FIP1L1: variants seen among roughly 807,000 people sequenced by gnomAD.
FIP1L1 encodes factor interacting with PAPOLA and CPSF1, also known as pre-mRNA 3'-end-processing factor FIP1.
Under a neutral mutation model 84.6 loss-of-function variants are expected in FIP1L1, and 21 were observed. The ratio of observed to expected loss-of-function variants is 0.25; its 90% CI spans 0.18 to 0.36. The LOEUF (loss-of-function observed/expected upper bound fraction) is 0.36, where lower values mean the gene tolerates loss of function less well. FIP1L1 is among the 10% of genes least tolerant of loss of function. The pLI, the probability that FIP1L1 is intolerant of heterozygous loss-of-function variation, is 1.00. For synonymous variants in FIP1L1, 263 were observed against 242.3 expected (o/e 1.09, Z -0.80); for missense variants, 526 against 751.1 (o/e 0.70, Z 3.50).
intron 9 of FIP1L1, among the ~76,000 whole-genome samples, chr4:53,396,659 C>T (rs1313325409): frequency 3.3e-5 from 5 of 152,188 alleles, no homozygotes; most frequent in South Asian, 2.1e-4. Context: ...CCACCTCGGC[C>T]TCCCAAAGCG....
chr4:53,401,883 G>A (rs1750423835), intron 10 of FIP1L1, among the ~76,000 whole-genome samples: 2 of 152,112 alleles, frequency 1.3e-5, no homozygotes, highest in Admixed American at 1.3e-4. Context: ...AATGAATTTA[G>A]GATAATCAGT....
intron 15 of FIP1L1, among the ~76,000 whole-genome samples, chr4:53,449,957 G>GT (rs1775729427): frequency 6.6e-6 from 1 of 152,000 alleles, no homozygotes; most frequent in African/African-American, 2.4e-5. Context: ...TTCTGATGCT[G>GT]TTTATGTGTT....
At chr4:53,414,327 G>A (rs1354554202) in intron 10 of FIP1L1, among the ~76,000 whole-genome samples, 1 of 151,996 alleles carries the variant, frequency 6.6e-6, no homozygotes, top group African/African-American at 2.4e-5. Flanking sequence ...TTTGATTAAT[G>A]TATTGTAACC....
intron 10 of FIP1L1, among the ~76,000 whole-genome samples, chr4:53,412,791 A>C (rs1757776632): frequency 6.6e-6 from 1 of 152,118 alleles, no homozygotes; most frequent in African/African-American, 2.4e-5. Flanking sequence ...ATTTGTGGAA[A>C]GGCTAAATAT....
Position 53,420,644 on chromosome 4 carries a change from A to G in FIP1L1, c.924-5228A>G, listed in dbSNP as rs1030068485. 7.0e-4 allele frequency among the ~76,000 whole-genome samples: 106 copies of G among 152,226 alleles called. 2 individuals are homozygous for G. The highest frequency in any genetic ancestry group is 5.7e-3 in the Admixed American group (87 of 15,282). ...TAAATTGTTACTCGAACATTAGAAT[A>G]TATTTTCTTTATAAATTGTGTATAT... is the stretch of plus-strand genomic sequence containing the variant. On this transcript the variant is annotated intron_variant, in intron 11 of 17. Coordinates refer to ENST00000337488, the MANE Select transcript of FIP1L1 (RefSeq NM_030917.4).
At chr4:53,434,693 C>G (rs907818112) in intron 13 of FIP1L1, among the ~76,000 whole-genome samples, 1 of 152,110 alleles carries the variant, frequency 6.6e-6, no homozygotes, top group Non-Finnish European at 1.5e-5. Context: ...GTCTTGAACT[C>G]CTGACCTCAA....
intron 1 of FIP1L1, 133 bp from the exon 2 acceptor site, chr4:53,378,940 A>G: frequency 1.2e-6 from 1 of 866,670 alleles, no homozygotes; most frequent in Non-Finnish European, 1.8e-6. Context: ...TTTCTTTTAC[A>G]AAGATCTGGA....
At chr4:53,392,127 A>T (rs1428793069) in intron 9 of FIP1L1, among the ~76,000 whole-genome samples, 2 of 152,260 alleles carry the variant, frequency 1.3e-5, no homozygotes, top group Admixed American at 1.3e-4. Context: ...CCATGGTATG[A>T]TCACAGACCC....
At chr4:53,455,208 T>G (rs1718297172) in intron 16 of FIP1L1, among the ~76,000 whole-genome samples, 1 of 152,190 alleles carries the variant, frequency 6.6e-6, no homozygotes, top group African/African-American at 2.4e-5. Flanking sequence ...TCAGCAATAA[T>G]GCTGTTTTCA....
At chr4:53,444,323 A>G (rs968613436) in intron 15 of FIP1L1, among the ~76,000 whole-genome samples, 2 of 152,222 alleles carry the variant, frequency 1.3e-5, no homozygotes, top group Admixed American at 6.5e-5. Flanking sequence ...GTGACACAAC[A>G]GGGATATTTG....
At chr4:53,427,884 A>G in intron 12 of FIP1L1, 143 bp from the exon 13 acceptor site, 1 of 637,906 alleles carries the variant, frequency 1.6e-6, no homozygotes, top group South Asian at 2.7e-5. Flanking sequence ...CACATGTAGA[A>G]CTATTACTCT....
At chr4:53,410,756 A>G (rs188210113) in intron 10 of FIP1L1, among the ~76,000 whole-genome samples, 1 of 152,284 alleles carries the variant, frequency 6.6e-6, no homozygotes, top group East Asian at 1.9e-4. Flanking sequence ...AAGTGCAAAA[A>G]CCGCAATTAC....
intron 5 of FIP1L1, among the ~76,000 whole-genome samples, chr4:53,384,566 A>C (rs760845780): frequency 6.6e-6 from 1 of 152,176 alleles, no homozygotes; most frequent in Non-Finnish European, 1.5e-5. Flanking sequence ...TATCAAAAGT[A>C]TTTCTTTTTG....
At chr4:53,440,623 A>G (rs1235183374) in intron 13 of FIP1L1, 2 of 1,501,508 alleles carry the variant, frequency 1.3e-6, no homozygotes, top group Non-Finnish European at 1.8e-6. Context: ...AACTTTTTTC[A>G]TGTTTTCTCC....
At chr4:53,378,884 A>G (rs1578050037) in intron 1 of FIP1L1, 189 bp from the exon 2 acceptor site, 2 of 612,222 alleles carry the variant, frequency 3.3e-6, no homozygotes, top group East Asian at 5.8e-5. Context: ...GTTTGGTGGC[A>G]AGATTTAGCA....
At chr4:53,385,928 T>A (rs1418181494) in intron 5 of FIP1L1, among the ~76,000 whole-genome samples, 2 of 152,178 alleles carry the variant, frequency 1.3e-5, no homozygotes, top group African/African-American at 4.8e-5. Flanking sequence ...AAAATGAAAT[T>A]TGATAAACAT....
At chr4:53,384,092 A>G (rs1243329245) in intron 5 of FIP1L1, among the ~76,000 whole-genome samples, 1 of 152,208 alleles carries the variant, frequency 6.6e-6, no homozygotes, top group Non-Finnish European at 1.5e-5. Flanking sequence ...TTTGATGCTG[A>G]ATTTAAAGTG....
chr4:53,460,424 C>CTTAA lies in FIP1L1; in HGVS notation c.*979_*982dup, dbSNP rs1553927746. The CTTAA allele has an allele frequency of 5.3e-6, 1 of 189,256 alleles. No homozygotes were observed. Among genetic ancestry groups the CTTAA allele is most frequent in the Non-Finnish European group, 1.1e-5 (1 of 90,450 alleles). The allele number at this position is 189,256 out of a possible 1,614,324, so 11.7% of individuals were successfully genotyped here. A position where few individuals can be genotyped will look rare whatever the true frequency, so the allele number is the denominator to read the frequency against. On this transcript the variant is annotated 3_prime_UTR_variant, in exon 18 of 18. Transcript: ENST00000337488. ...TAAATAGTGATAATACAAAAGTAAT[C>CTTAA]TTAATTAGTATCACATACTAAAAGA... is the stretch of plus-strand genomic sequence containing the variant.
intron 13 of FIP1L1, among the ~76,000 whole-genome samples, chr4:53,435,119 G>A (rs1353212915): frequency 6.6e-6 from 1 of 151,968 alleles, no homozygotes; most frequent in East Asian, 1.9e-4. Flanking sequence ...TTATTCTTGT[G>A]TTTTTCTATA....
Sources: allele counts gnomAD v4.1 joint callset (sites outside exome capture counted in the v4.1 genomes callset), GRCh38; gene constraint gnomAD v4.1.1; transcripts MANE v1.5; gene names NCBI Gene and HGNC (gene_info 2026-07-23, HGNC 2026-07-21).